LMOD3: variants seen among roughly 807,000 people sequenced by gnomAD.
The protein encoded by LMOD3 is leiomodin 3.
A neutral mutation model predicts 41.8 loss-of-function variants in LMOD3; 31 were observed. That is an observed-to-expected ratio of 0.74 (90% CI 0.56 to 1.00). The LOEUF (loss-of-function observed/expected upper bound fraction) is 1.00. Ranked by LOEUF, LMOD3 falls within the 50% of genes least tolerant of loss-of-function variation. The pLI, the probability that LMOD3 is intolerant of heterozygous loss-of-function variation, is 0.00. For missense variants in LMOD3, 755 were observed against 679.5 expected (o/e 1.11, Z -1.23); for synonymous variants, 292 against 241.9 (o/e 1.21, Z -1.92).
intron 2 of LMOD3, among the ~76,000 whole-genome samples, chr3:69,116,276 C>T (rs1200000128): frequency 2.6e-5 from 4 of 151,998 alleles, no homozygotes; most frequent in African/African-American, 7.2e-5. Flanking sequence ...TTTCCAGGAC[C>T]GAATAGATGA....
At chr3:69,121,854 C>T (rs1277547082) in intron 1 of LMOD3, among the ~76,000 whole-genome samples, 4 of 152,106 alleles carry the variant, frequency 2.6e-5, no homozygotes, top group East Asian at 1.9e-4. Flanking sequence ...ACAGCAAACC[C>T]GACAGCAATT....
At chr3:69,115,654 G>A (rs1237666787) in intron 2 of LMOD3, among the ~76,000 whole-genome samples, 2 of 151,964 alleles carry the variant, frequency 1.3e-5, no homozygotes, top group Non-Finnish European at 2.9e-5. Context: ...GGATTTGGAG[G>A]GTATCTGTCC....
At chr3:69,110,703 C>T (rs187034848) in intron 2 of LMOD3, among the ~76,000 whole-genome samples, 2,237 of 146,946 alleles carry the variant, frequency 0.015, 27 homozygotes, top group Non-Finnish European at 0.021. Flanking sequence ...ATTAGCTGGG[C>T]GTGGTGGCAC....
At chr3:69,116,513 A>G (rs956885823) in intron 2 of LMOD3, among the ~76,000 whole-genome samples, 7 of 152,172 alleles carry the variant, frequency 4.6e-5, no homozygotes, top group African/African-American at 1.7e-4. Flanking sequence ...TACACTTAAA[A>G]TTGGTAGTAG....
intron 2 of LMOD3, among the ~76,000 whole-genome samples, chr3:69,118,190 A>G (rs893550650): frequency 6.6e-6 from 1 of 152,112 alleles, no homozygotes; most frequent in Non-Finnish European, 1.5e-5. Flanking sequence ...TGTCAGCTCC[A>G]TTGTGGCTGG....
chr3:69,119,353 G>T lies in LMOD3; in HGVS notation c.1002C>A (p.Leu334=). The T allele has an allele frequency of 6.2e-7, 1 of 1,613,930 alleles. No homozygotes were observed. Among genetic ancestry groups the T allele is most frequent in the Non-Finnish European group, 8.5e-7 (1 of 1,179,872 alleles). ...GCTCAGTTAGCGTCTCATTAAACTGGAGACACCTCATGATGGCCACAATCC... is the reference window on the plus strand; with the variant it reads ...GCTCAGTTAGCGTCTCATTAAACTGTAGACACCTCATGATGGCCACAATCC... ...GKGIVAIMRC[L]QFNETLTELR... is the part of the protein sequence containing the mutation. Residue 334 remains leucine, a synonymous_variant, in exon 2 of 3, where the codon CTC becomes CTA. Transcript: ENST00000420581.
Position 69,119,194 on chromosome 3 carries a change from A to G in LMOD3, c.1161T>C (p.Thr387=). Residue 387 remains threonine, a synonymous_variant, in exon 2 of 3, where the codon ACT becomes ACC. Coordinates refer to ENST00000420581, the MANE Select transcript of LMOD3 (RefSeq NM_198271.5). ...TATCCTGATTCCTGGTGAGCAGATT[A>G]GTGACCACCATTCTGGGACCCGGAA... is the stretch of plus-strand genomic sequence containing the variant. ...FELPGPRMVV[T]NLLTRNQDKQ... The G allele has an allele frequency of 6.2e-7, 1 of 1,613,924 alleles. No individual in the cohort carries two copies.
intron 2 of LMOD3, among the ~76,000 whole-genome samples, chr3:69,117,133 C>G (rs1165741774): frequency 6.6e-6 from 1 of 152,128 alleles, no homozygotes; most frequent in African/African-American, 2.4e-5. Context: ...GATGTTGTGC[C>G]CAAGGGCAGG....
chr3:69,108,935 C>G lies in LMOD3; in HGVS notation c.*160G>C. 1 of 600,954 alleles carries G rather than the reference C, an allele frequency of 1.7e-6. No homozygotes were observed. The highest frequency in any genetic ancestry group is 1.9e-5 in the African/African-American group (1 of 53,092). The allele number at this position is 600,954 out of a possible 1,614,324, so 37.2% of individuals were successfully genotyped here. A position where few individuals can be genotyped will look rare whatever the true frequency, so the allele number is the denominator to read the frequency against. ...CTCTTCAGCCCCTACTTCTTCATGG[C>G]CCAAACATTCTGCCTTTTACAAATA... On this transcript the variant is annotated 3_prime_UTR_variant, in exon 3 of 3. Transcript: ENST00000420581.
rs566933766 is a variant in LMOD3 at position 69,121,297 on chromosome 3, C to T, written c.294+796G>A. 2.0e-5 allele frequency among the ~76,000 whole-genome samples: 3 copies of T among 152,268 alleles called. No individual in the cohort carries two copies. In the East Asian group the frequency reaches 5.8e-4, roughly 29 times the overall value. ...TGTTTAAACTCTACTGACTGTAAAA[C>T]CAATTGACAACTTTCCTTAATTACA... On this transcript the variant is annotated intron_variant, in intron 1 of 2. Transcript: ENST00000420581.
In LMOD3 at chr3:69,110,622, C is replaced by A. The variant is rs182710176; in HGVS notation, c.1657-1501G>T. On this transcript the variant is annotated intron_variant, in intron 2 of 2. Coordinates refer to ENST00000420581, the MANE Select transcript of LMOD3 (RefSeq NM_198271.5). Reference sequence around the variant, plus strand: ...CTTTGGGAGGCCGAGGTGGGCGGTTCTCCTGAGGTCAGGAGTTCAAGACAA... The same window carrying A: ...CTTTGGGAGGCCGAGGTGGGCGGTTATCCTGAGGTCAGGAGTTCAAGACAA... Among the ~76,000 whole-genome samples the A allele has an allele frequency of 2.2e-3, 332 of 148,726 alleles. 2 individuals carry two copies. Among genetic ancestry groups the A allele is most frequent in the African/African-American group, 7.9e-3 (321 of 40,664 alleles).
At position 69,119,383 on chromosome 3, in the gene LMOD3, A is replaced by C; in HGVS notation, c.972T>G (p.Gly324=). ...ACCTCATGATGGCCACAATCCCTTT[A>C]CCTGTGATGAAATTGGACTCGATGT... is the stretch of plus-strand genomic sequence containing the variant. ...TLNIESNFIT[G]KGIVAIMRCL... is the part of the protein sequence containing the mutation. Residue 324 remains glycine (G), a synonymous_variant, in exon 2 of 3, where the codon GGT becomes GGG. Transcript: ENST00000420581. The C allele has an allele frequency of 6.2e-7, 1 of 1,613,842 alleles. No individual in the cohort carries two copies. Among genetic ancestry groups the C allele is most frequent in the Non-Finnish European group, 8.5e-7 (1 of 1,179,860 alleles).
intron 2 of LMOD3, among the ~76,000 whole-genome samples, chr3:69,110,435 G>A (rs1056083233): frequency 1.3e-5 from 2 of 151,116 alleles, no homozygotes; most frequent in Non-Finnish European, 3.0e-5. Flanking sequence ...TCACCATGTC[G>A]GCCAGGCTTG....
At chr3:69,122,065 T>G (rs750412330) in intron 1 of LMOD3, 28 bp downstream of exon 1, 9 of 1,586,186 alleles carry the variant, frequency 5.7e-6, no homozygotes, top group Non-Finnish European at 7.7e-6. Flanking sequence ...GGCAGCCATT[T>G]CTCGGTTGTA....
intron 2 of LMOD3, among the ~76,000 whole-genome samples, chr3:69,114,118 A>AG (rs2092361148): frequency 6.6e-6 from 1 of 152,206 alleles, no homozygotes; most frequent in Non-Finnish European, 1.5e-5. Flanking sequence ...GAAAAACTAG[A>AG]GGGTCCATGA....
At chr3:69,121,941 G>A (rs918900475) in intron 1 of LMOD3, among the ~76,000 whole-genome samples, 152 bp downstream of exon 1, 2 of 152,092 alleles carry the variant, frequency 1.3e-5, no homozygotes, top group African/African-American at 2.4e-5. Context: ...AGTTCCAGTC[G>A]GAGTAGGATT....
Position 69,119,793 on chromosome 3 carries a change from A to C in LMOD3, c.562T>G (p.Cys188Gly). The C allele has an allele frequency of 6.2e-7, 1 of 1,606,954 alleles. No homozygotes were observed. Among genetic ancestry groups the C allele is most frequent in the Non-Finnish European group, 8.5e-7 (1 of 1,175,986 alleles). Residue 188 changes from cysteine to glycine, a missense_variant, in exon 2 of 3, where the codon TGC (cysteine) becomes GGC (glycine). Physicochemically the swap from Cys to Gly is radical, Grantham distance 159 (BLOSUM62 -3). Coordinates refer to ENST00000420581, the MANE Select transcript of LMOD3 (RefSeq NM_198271.5). ...AATGCTTTGTCAGTTACCTGCTGGC[A>C]GTTGTTCTCACAATTTCTAATTTGT... ...KEQIRNCENN[C>G]QQVTDKAFKE...
At chr3:69,109,829 T>C (rs1390195898) in intron 2 of LMOD3, among the ~76,000 whole-genome samples, 13 of 151,998 alleles carry the variant, frequency 8.6e-5, no homozygotes. Context: ...GGCCTAACAC[T>C]TATTTTTAAA....
intron 2 of LMOD3, among the ~76,000 whole-genome samples, chr3:69,114,521 T>A (rs2092362705): frequency 6.6e-6 from 1 of 152,194 alleles, no homozygotes; most frequent in Non-Finnish European, 1.5e-5. Flanking sequence ...TAATTTAAAA[T>A]TTTTGAGACA....
Sources: allele counts gnomAD v4.1 joint callset (sites outside exome capture counted in the v4.1 genomes callset), GRCh38; gene constraint gnomAD v4.1.1; transcripts MANE v1.5; gene names NCBI Gene and HGNC (gene_info 2026-07-23, HGNC 2026-07-21).